The following CSMD1 variants were observed in gnomAD, a reference collection of about 807,000 sequenced individuals.
CSMD1 encodes the protein CUB and Sushi multiple domains 1, also known as CUB and sushi domain-containing protein 1.
A neutral mutation model predicts 417.5 loss-of-function variants in CSMD1; 213 were observed. The ratio of observed to expected loss-of-function variants is 0.51; its 90% CI spans 0.46 to 0.57. The LOEUF (loss-of-function observed/expected upper bound fraction) is 0.57, where lower values mean the gene tolerates loss of function less well. CSMD1 is among the 20% of genes least tolerant of loss of function. The pLI is 0.00. For missense variants in CSMD1, 6,923 were observed against 4,529.7 expected, an observed-to-expected ratio of 1.53 and a Z score of -15.17; for synonymous variants, 2,862 against 1,736.8, an observed-to-expected ratio of 1.65 and a Z score of -16.11.
intron 1 of CSMD1, among the ~76,000 whole-genome samples, chr8:4,703,369 C>A (rs1024646973): frequency 1.3e-5 from 2 of 152,186 alleles, no homozygotes; most frequent in South Asian, 4.1e-4. Flanking sequence ...CCTTTCTCTA[C>A]TGACAGAAGA....
At chr8:3,053,018 G>A (rs570266397) in intron 49 of CSMD1, among the ~76,000 whole-genome samples, 15 of 152,136 alleles carry the variant, frequency 9.9e-5, no homozygotes, top group Non-Finnish European at 1.3e-4. Flanking sequence ...CCAAACTCAG[G>A]TGATCCGTCC....
chr8:3,496,196 G>C (rs6994897), intron 10 of CSMD1, among the ~76,000 whole-genome samples: 11,960 of 152,206 alleles, frequency 0.079, 478 homozygotes, highest in Middle Eastern at 0.099. Flanking sequence ...TTAAGTGCCT[G>C]CTTAATGTTC....
intron 4 of CSMD1, among the ~76,000 whole-genome samples, chr8:4,011,635 C>G (rs1389221857): frequency 6.6e-6 from 1 of 152,170 alleles, no homozygotes; most frequent in Non-Finnish European, 1.5e-5. Context: ...ATTTCCTCAT[C>G]CTTGAATTCT....
chr8:3,644,090 C>A (rs771827950), intron 7 of CSMD1, among the ~76,000 whole-genome samples: 12 of 152,086 alleles, frequency 7.9e-5, no homozygotes, highest in African/African-American at 2.9e-4. Flanking sequence ...CCAGGGCAGC[C>A]CTTCTACACC....
chr8:4,378,870 C>T (rs1246672086), intron 3 of CSMD1, among the ~76,000 whole-genome samples: 1 of 152,158 alleles, frequency 6.6e-6, no homozygotes, highest in Non-Finnish European at 1.5e-5. Flanking sequence ...AGAGAGTCAG[C>T]CCTTTCTCTA....
At chr8:4,086,727 A>G (rs1800441173) in intron 3 of CSMD1, among the ~76,000 whole-genome samples, 1 of 152,226 alleles carries the variant, frequency 6.6e-6, no homozygotes, top group African/African-American at 2.4e-5. Flanking sequence ...GATGACATTG[A>G]CAAGTATTAT....
intron 31 of CSMD1, among the ~76,000 whole-genome samples, chr8:3,204,053 G>C (rs1283310578): frequency 2.6e-5 from 4 of 152,172 alleles, no homozygotes; most frequent in Non-Finnish European, 5.9e-5. Flanking sequence ...TATCAGGAAA[G>C]AGTAACGAAT....
chr8:4,204,971 T>C lies in CSMD1; in HGVS notation c.416-172872A>G, dbSNP rs377578030. ...CACTGAATCTGGCCTATAAAAATTG[T>C]TTTCTTATTATAATAAGAATAATTT... On this transcript the variant is annotated intron_variant, in intron 3 of 69. Transcript: ENST00000635120. 5.9e-5 allele frequency among the ~76,000 whole-genome samples: 9 copies of C among 152,186 alleles called. No homozygotes were observed. In the East Asian group the frequency reaches 1.3e-3, roughly 23 times the overall value.
chr8:4,251,826 G>C (rs1803101314), intron 3 of CSMD1, among the ~76,000 whole-genome samples: 1 of 144,608 alleles, frequency 6.9e-6, no homozygotes, highest in African/African-American at 2.5e-5. Context: ...GAGGAGGAGA[G>C]ATGGAAGAGG....
At chr8:3,413,313 G>T (rs953017902) in intron 12 of CSMD1, among the ~76,000 whole-genome samples, 1 of 152,106 alleles carries the variant, frequency 6.6e-6, no homozygotes, top group African/African-American at 2.4e-5. Context: ...CTGTGCAGAG[G>T]TTTCAGAAAT....
intron 3 of CSMD1, among the ~76,000 whole-genome samples, chr8:4,227,598 G>A (rs1024194016): frequency 1.3e-5 from 2 of 151,986 alleles, no homozygotes; most frequent in African/African-American, 2.4e-5. Flanking sequence ...CCCGACCTCA[G>A]GATTCCCTGC....
chr8:3,529,851 A>G (rs967496548), intron 10 of CSMD1, among the ~76,000 whole-genome samples: 2 of 152,184 alleles, frequency 1.3e-5, no homozygotes, highest in African/African-American at 4.8e-5. Flanking sequence ...TTTCTTGGAC[A>G]ATAAATTAAT....
At chr8:4,449,280 G>A (rs1798991731) in intron 2 of CSMD1, among the ~76,000 whole-genome samples, 4 of 152,158 alleles carry the variant, frequency 2.6e-5, no homozygotes, top group Admixed American at 2.6e-4. Flanking sequence ...AGGAAACTCA[G>A]AAATGTTTTA....
chr8:3,647,581 A>C (rs537652719), intron 7 of CSMD1, among the ~76,000 whole-genome samples: 9 of 152,316 alleles, frequency 5.9e-5, no homozygotes, highest in Admixed American at 5.9e-4. Context: ...GCATAAAGAA[A>C]AACACAGCAT....
intron 12 of CSMD1, among the ~76,000 whole-genome samples, chr8:3,467,231 G>C (rs1020161058): frequency 1.3e-5 from 2 of 152,164 alleles, no homozygotes; most frequent in South Asian, 4.1e-4. Flanking sequence ...TTGGGCACGA[G>C]GTTCCTCTCC....
At chr8:3,498,063 G>C (rs1273564769) in intron 10 of CSMD1, among the ~76,000 whole-genome samples, 1 of 152,022 alleles carries the variant, frequency 6.6e-6, no homozygotes, top group South Asian at 2.1e-4. Context: ...AGCTTTGCTG[G>C]GTATAGTATT....
At chr8:4,224,047 G>C (rs1394481) in intron 3 of CSMD1, among the ~76,000 whole-genome samples, 2 of 151,876 alleles carry the variant, frequency 1.3e-5, no homozygotes, top group African/African-American at 4.8e-5. Flanking sequence ...ACATGCATAC[G>C]TAACCCTACT....
At chr8:3,998,952 CTA>C (rs1815442354) in intron 4 of CSMD1, among the ~76,000 whole-genome samples, 1 of 148,054 alleles carries the variant, frequency 6.8e-6, no homozygotes, top group Non-Finnish European at 1.5e-5. Flanking sequence ...AAATAACAAA[CTA>C]TATGGTAGTT....
chr8:3,734,518 C>G (rs556140565), intron 6 of CSMD1, among the ~76,000 whole-genome samples: 2 of 152,284 alleles, frequency 1.3e-5, no homozygotes, highest in South Asian at 2.1e-4. Context: ...CAAGACCAAC[C>G]TAACCAACTT....
Sources: gnomAD v4.1 joint callset for allele counts (sites outside exome capture counted in the v4.1 genomes callset) on GRCh38, gnomAD v4.1.1 for gene constraint, MANE v1.5 for transcripts, NCBI Gene and HGNC (gene_info 2026-07-23, HGNC 2026-07-21) for gene names.